The following NTM variants were observed in gnomAD, a reference collection of about 807,000 sequenced individuals.
The protein encoded by NTM is IgLON family member 2.
In NTM, 13 loss-of-function variants were observed where a neutral mutation model predicts 42.1. The ratio of observed to expected loss-of-function variants is 0.31; its 90% CI spans 0.20 to 0.49. The LOEUF (loss-of-function observed/expected upper bound fraction) is 0.49, where lower values mean the gene tolerates loss of function less well. Ranked by LOEUF, NTM falls within the 20% of genes least tolerant of loss-of-function variation. The probability of loss-of-function intolerance (pLI) is 0.99; values close to 1 mark genes in which losing one functional copy is unlikely to be tolerated. For synonymous variants in NTM, 187 were observed against 179.2 expected, an observed-to-expected ratio of 1.04 and a Z score of -0.35; for missense variants, 373 against 452.8, an observed-to-expected ratio of 0.82 and a Z score of 1.60.
intron 1 of NTM, among the ~76,000 whole-genome samples, chr11:131,908,948 T>C (rs2054266683): frequency 6.6e-6 from 1 of 152,236 alleles, no homozygotes; most frequent in African/African-American, 2.4e-5. Context: ...GTTGCAGCCA[T>C]AAGTTGACGA....
chr11:131,438,564 T>A (rs922190149), intron 1 of NTM, among the ~76,000 whole-genome samples: 3 of 152,226 alleles, frequency 2.0e-5, no homozygotes, highest in Non-Finnish European at 4.4e-5. Context: ...TTCTTCCACT[T>A]GATCGAATCG....
chr11:132,176,516 C>T (rs1043480686), intron 3 of NTM, among the ~76,000 whole-genome samples: 1 of 151,994 alleles, frequency 6.6e-6, no homozygotes. Context: ...TTAGGTTATG[C>T]ATGTAACAAA....
At chr11:131,495,460 G>A (rs964941814) in intron 1 of NTM, among the ~76,000 whole-genome samples, 5 of 152,230 alleles carry the variant, frequency 3.3e-5, no homozygotes, top group African/African-American at 1.2e-4. Context: ...CCTGTGCTGC[G>A]GTGGGGCTTG....
rs182549126 is a variant in NTM at position 131,741,933 on chromosome 11, A to G, written c.83-169631A>G. On this transcript the variant is annotated intron_variant, in intron 1 of 8. Transcript: ENST00000683400. The stretch of plus-strand genomic sequence containing the variant: ...GATCATGTCCTTTGCCGGACCATCA[A>G]TGGAGCTGGAGGCCATTATCCTTAG... 2.0e-4 allele frequency among the ~76,000 whole-genome samples: 30 copies of G among 152,310 alleles called. No homozygotes were observed. In the East Asian group the frequency reaches 4.4e-3, roughly 23 times the overall value.
At chr11:132,237,311 C>T (rs1019899942) in intron 4 of NTM, among the ~76,000 whole-genome samples, 2 of 152,236 alleles carry the variant, frequency 1.3e-5, no homozygotes, top group African/African-American at 2.4e-5. Flanking sequence ...CTCGGCTCCA[C>T]GAGGGCCTTT....
At chr11:131,906,789 G>A (rs511457) in intron 1 of NTM, among the ~76,000 whole-genome samples, 132,503 of 152,054 alleles carry the variant, frequency 0.87, 57,991 homozygotes, top group East Asian at 1. Flanking sequence ...CTCCTTCTCA[G>A]TTCTCTCTAT....
chr11:131,762,506 C>T (rs2084374012), intron 1 of NTM, among the ~76,000 whole-genome samples: 3 of 152,214 alleles, frequency 2.0e-5, no homozygotes, highest in Non-Finnish European at 4.4e-5. Context: ...CAGGTTGGCG[C>T]TGAATACTGG....
chr11:132,334,217 A>G (rs1389547980), intron 8 of NTM, among the ~76,000 whole-genome samples: 1 of 152,246 alleles, frequency 6.6e-6, no homozygotes, highest in Non-Finnish European at 1.5e-5. Flanking sequence ...CGTATGTTTC[A>G]GAACAATAGG....
chr11:132,074,634 C>T (rs2136204362), intron 2 of NTM, among the ~76,000 whole-genome samples: 1 of 152,044 alleles, frequency 6.6e-6, no homozygotes, highest in South Asian at 2.1e-4. Context: ...AGAAACATTG[C>T]AACACTGTTC....
chr11:132,243,972 G>A (rs1055020528), intron 4 of NTM, among the ~76,000 whole-genome samples: 7 of 152,178 alleles, frequency 4.6e-5, no homozygotes, highest in Admixed American at 6.5e-5. Context: ...TGTCTCCGCC[G>A]TCTGCCATCC....
intron 1 of NTM, among the ~76,000 whole-genome samples, chr11:131,684,057 TGAG>T (rs2073439471): frequency 6.6e-6 from 1 of 152,186 alleles, no homozygotes; most frequent in African/African-American, 2.4e-5. Flanking sequence ...GCTGGCCGTG[TGAG>T]GAGAATTCAA....
intron 2 of NTM, among the ~76,000 whole-genome samples, chr11:131,925,373 TTTC>T (rs1455219648): frequency 1.3e-5 from 2 of 149,486 alleles, no homozygotes; most frequent in Non-Finnish European, 3.0e-5. Flanking sequence ...TTTTTTTTTC[TTTC>T]TTTTCTCTTT....
intron 1 of NTM, among the ~76,000 whole-genome samples, chr11:131,727,210 C>T (rs1565473499): frequency 1.3e-5 from 2 of 152,020 alleles, no homozygotes; most frequent in Non-Finnish European, 2.9e-5. Flanking sequence ...GTGTGGTCCT[C>T]TTGGAGCATC....
At chr11:132,219,130 G>C (rs948439212) in intron 4 of NTM, among the ~76,000 whole-genome samples, 1 of 152,012 alleles carries the variant, frequency 6.6e-6, no homozygotes, top group Non-Finnish European at 1.5e-5. Context: ...CACCCCATCT[G>C]TTCTCCTTCC....
chr11:132,101,711 A>G (rs1030756752), intron 2 of NTM, among the ~76,000 whole-genome samples: 6 of 152,082 alleles, frequency 3.9e-5, no homozygotes, highest in Admixed American at 3.3e-4. Flanking sequence ...CAGTCTGTCT[A>G]TCACTAGGCG....
At chr11:131,507,632 G>A (rs1438600096) in intron 1 of NTM, among the ~76,000 whole-genome samples, 2 of 148,180 alleles carry the variant, frequency 1.3e-5, no homozygotes, top group African/African-American at 5.0e-5. Context: ...CATTGAATCT[G>A]TAAATTACCT....
In NTM at chr11:132,335,321, A is replaced by G. The variant is rs8894; in HGVS notation, c.*175A>G. 240,917 of 691,030 alleles carry G rather than the reference A, an allele frequency of 0.35. 45,302 individuals are homozygous for G. Among genetic ancestry groups the G allele is most frequent in the Non-Finnish European group, 0.4 (171,851 of 430,326 alleles). 42.8% of individuals were successfully genotyped at this position (691,030 alleles called of 1,614,324 possible). On this transcript the variant is annotated 3_prime_UTR_variant, in exon 9 of 9. Coordinates refer to ENST00000683400, the MANE Select transcript of NTM (RefSeq NM_001352005.2). Reference sequence around the variant, plus strand: ...AACAAAGAATACTTTGGGGGGAAAAAAGTTTTAAAAAAGAAATTGAAAATT... The same window carrying G: ...AACAAAGAATACTTTGGGGGGAAAAGAGTTTTAAAAAAGAAATTGAAAATT...
intron 4 of NTM, among the ~76,000 whole-genome samples, chr11:132,300,850 C>A (rs756495441): frequency 1.3e-5 from 2 of 152,184 alleles, no homozygotes; most frequent in Non-Finnish European, 2.9e-5. Flanking sequence ...GTGCCACCCC[C>A]TTTGACAGTC....
At chr11:131,549,432 TAGAC>T (rs748350086) in intron 1 of NTM, among the ~76,000 whole-genome samples, 15 of 152,194 alleles carry the variant, frequency 9.9e-5, no homozygotes, top group Non-Finnish European at 1.6e-4. Flanking sequence ...AAAAATTTTT[TAGAC>T]AGAAGGAGAG....
Sources: gnomAD v4.1 joint callset for allele counts (sites outside exome capture counted in the v4.1 genomes callset) on GRCh38, gnomAD v4.1.1 for gene constraint, MANE v1.5 for transcripts, NCBI Gene and HGNC (gene_info 2026-07-23, HGNC 2026-07-21) for gene names.